The following SPPL3 variants were observed in gnomAD, a reference collection of about 807,000 sequenced individuals.
SPPL3 encodes the protein signal peptide peptidase-like 3.
Under a neutral mutation model 42.4 loss-of-function variants are expected in SPPL3, and 5 were observed. The observed-to-expected ratio is 0.12, with a 90% CI of 0.06 to 0.25. The LOEUF is 0.25. SPPL3 is among the 10% of genes least tolerant of loss of function. The pLI is 1.00. For synonymous variants in SPPL3, 195 were observed against 181.8 expected, an observed-to-expected ratio of 1.07 and a Z score of -0.58; for missense variants, 235 against 489.0, an observed-to-expected ratio of 0.48 and a Z score of 4.90.
chr12:120,769,329 GCT>G (rs1387818775), intron 6 of SPPL3: 2 of 324,026 alleles, frequency 6.2e-6, no homozygotes, highest in African/African-American at 4.3e-5. Flanking sequence ...AGACCTCCAA[GCT>G]CTCTTTTCCT....
chr12:120,783,666 G>A lies in SPPL3; in HGVS notation c.389+8C>T. Reference sequence around the variant, plus strand: ...TTATAATTTAAGAGGAAAGTCCCAAGTCCTTACTTGTTCTGAGGTGAGCAG... The same window carrying A: ...TTATAATTTAAGAGGAAAGTCCCAAATCCTTACTTGTTCTGAGGTGAGCAG... On this transcript the variant is annotated splice_region_variant and intron_variant, in intron 5 of 10. Transcript: ENST00000353487. 9 of 1,606,168 alleles carry A rather than the reference G, an allele frequency of 5.6e-6. No homozygotes were observed. The highest frequency in any genetic ancestry group is 7.7e-6 in the Non-Finnish European group (9 of 1,175,826).
chr12:120,847,571 G>A (rs544290972), intron 1 of SPPL3, among the ~76,000 whole-genome samples: 1 of 152,186 alleles, frequency 6.6e-6, no homozygotes, highest in South Asian at 2.1e-4. Flanking sequence ...TGGGATTACA[G>A]GCGTGAGTCA....
chr12:120,821,633 A>T (rs143746593), intron 1 of SPPL3, among the ~76,000 whole-genome samples: 2 of 152,328 alleles, frequency 1.3e-5, no homozygotes, highest in Admixed American at 1.3e-4. Flanking sequence ...AACTTGCAAA[A>T]ATCTATGTTA....
intron 2 of SPPL3, among the ~76,000 whole-genome samples, chr12:120,795,425 T>C (rs761425377): frequency 6.6e-6 from 1 of 152,244 alleles, no homozygotes; most frequent in Non-Finnish European, 1.5e-5. Flanking sequence ...ATGAGATGAA[T>C]TCTTTCCGGT....
intron 1 of SPPL3, among the ~76,000 whole-genome samples, chr12:120,813,868 T>C (rs1177235940): frequency 2.0e-5 from 3 of 152,160 alleles, no homozygotes; most frequent in Non-Finnish European, 2.9e-5. Context: ...AATCAAGTAT[T>C]TTCTTTCTTT....
intron 2 of SPPL3, among the ~76,000 whole-genome samples, chr12:120,797,366 G>A (rs1012579468): frequency 1.3e-5 from 2 of 152,122 alleles, no homozygotes; most frequent in African/African-American, 4.8e-5. Flanking sequence ...TGCACCATGA[G>A]TGGAAACTAT....
chr12:120,861,682 C>G (rs747817804), intron 1 of SPPL3, among the ~76,000 whole-genome samples: 17 of 152,322 alleles, frequency 1.1e-4, no homozygotes, highest in Non-Finnish European at 1.6e-4. Flanking sequence ...ACTCAGTATA[C>G]AATCACCTCT....
intron 1 of SPPL3, among the ~76,000 whole-genome samples, chr12:120,857,625 T>C (rs944810688): frequency 6.6e-6 from 1 of 152,158 alleles, no homozygotes; most frequent in Non-Finnish European, 1.5e-5. Context: ...ACATATACAC[T>C]ACTATGCAGC....
intron 1 of SPPL3, among the ~76,000 whole-genome samples, chr12:120,870,052 T>C (rs1353936653): frequency 6.6e-6 from 1 of 152,164 alleles, no homozygotes; most frequent in Non-Finnish European, 1.5e-5. Flanking sequence ...TAGCTTACTG[T>C]AAAGGATGCA....
chr12:120,801,735 C>T (rs1247194112), intron 2 of SPPL3, among the ~76,000 whole-genome samples: 2 of 152,188 alleles, frequency 1.3e-5, no homozygotes, highest in African/African-American at 2.4e-5. Flanking sequence ...AGCTGTCTTA[C>T]TACAGAGAAA....
intron 1 of SPPL3, among the ~76,000 whole-genome samples, chr12:120,860,085 TA>T (rs1872581397): frequency 6.6e-6 from 1 of 151,800 alleles, no homozygotes; most frequent in African/African-American, 2.4e-5. Flanking sequence ...CTAAAAATAA[TA>T]AAAAATAAAA....
At chr12:120,886,848 G>A (rs1341909547) in intron 1 of SPPL3, among the ~76,000 whole-genome samples, 1 of 152,084 alleles carries the variant, frequency 6.6e-6, no homozygotes, top group Non-Finnish European at 1.5e-5. Flanking sequence ...GTTCAATATG[G>A]GAGCTGCTAG....
chr12:120,896,072 T>C (rs1274562338), intron 1 of SPPL3, among the ~76,000 whole-genome samples: 1 of 152,186 alleles, frequency 6.6e-6, no homozygotes, highest in African/African-American at 2.4e-5. Flanking sequence ...TTCTTCACTA[T>C]CCATGCTGGA....
At chr12:120,889,567 G>A (rs977451090) in intron 1 of SPPL3, among the ~76,000 whole-genome samples, 56 of 152,312 alleles carry the variant, frequency 3.7e-4, no homozygotes, top group African/African-American at 1.3e-3. Flanking sequence ...TTCACTCTGG[G>A]CCTAAAATGA....
intron 6 of SPPL3, among the ~76,000 whole-genome samples, chr12:120,779,146 G>C (rs1348873592): frequency 6.6e-6 from 1 of 152,160 alleles, no homozygotes; most frequent in African/African-American, 2.4e-5. Context: ...GCAAACTTAA[G>C]ATCAGTCATA....
At position 120,810,859 on chromosome 12, in the gene SPPL3, T is replaced by C. The variant is rs1221993800; in HGVS notation, c.51A>G (p.Gln17=). ...GAATGGAAATCAGAAATGTAGACAC[T>C]TGACTGGAATCCACCAGGGAATAGG... The part of the protein sequence containing the change: ...SWAYSLVDSS[Q]VSTFLISILL... The change falls in exon 2 of 11, where the codon CAA becomes CAG. Residue 17 remains glutamine, a synonymous_variant. Transcript: ENST00000353487. 1.2e-6 allele frequency: 2 copies of C among 1,613,186 alleles called. No homozygotes were observed. Among genetic ancestry groups the C allele is most frequent in the African/African-American group, 1.3e-5 (1 of 74,878 alleles).
chr12:120,799,634 A>G (rs1870222210), intron 2 of SPPL3, among the ~76,000 whole-genome samples: 1 of 152,200 alleles, frequency 6.6e-6, no homozygotes, highest in East Asian at 1.9e-4. Flanking sequence ...CTGTGTAATT[A>G]GAAGACTTTG....
chr12:120,864,616 A>G (rs1872707920), intron 1 of SPPL3, among the ~76,000 whole-genome samples: 1 of 152,198 alleles, frequency 6.6e-6, no homozygotes, highest in South Asian at 2.1e-4. Flanking sequence ...CAGTCCTTTC[A>G]TTTTTTACAA....
chr12:120,794,081 A>G (rs1870016775), intron 2 of SPPL3, among the ~76,000 whole-genome samples: 1 of 152,162 alleles, frequency 6.6e-6, no homozygotes, highest in Non-Finnish European at 1.5e-5. Flanking sequence ...ATCTTTTATT[A>G]GATACATAAA....
Sources: gnomAD v4.1 joint callset for allele counts (sites outside exome capture counted in the v4.1 genomes callset) on GRCh38, gnomAD v4.1.1 for gene constraint, MANE v1.5 for transcripts, NCBI Gene and HGNC (gene_info 2026-07-23, HGNC 2026-07-21) for gene names.